The following RNF38 variants were observed in gnomAD, a reference collection of about 807,000 sequenced individuals.
RNF38 encodes E3 ubiquitin-protein ligase RNF38.
Under a neutral mutation model 67.2 loss-of-function variants are expected in RNF38, and 15 were observed. The observed-to-expected ratio is 0.22, with a 90% CI of 0.15 to 0.34. The LOEUF (loss-of-function observed/expected upper bound fraction) is 0.34. Among genes scored for constraint, RNF38 ranks in the 10% least tolerant of loss-of-function variants. The probability of loss-of-function intolerance (pLI) is 1.00; values close to 1 mark genes in which losing one functional copy is unlikely to be tolerated. For synonymous variants in RNF38, 220 were observed against 218.8 expected, an observed-to-expected ratio of 1.01 and a Z score of -0.05; for missense variants, 524 against 639.9, an observed-to-expected ratio of 0.82 and a Z score of 1.95.
intron 6 of RNF38, among the ~76,000 whole-genome samples, chr9:36,355,045 G>A (rs1833996117): frequency 6.6e-6 from 1 of 152,170 alleles, no homozygotes; most frequent in Non-Finnish European, 1.5e-5. Flanking sequence ...AGCTGAGAAG[G>A]AGAACATCCT....
rs567183971 is a variant in RNF38 at position 36,339,659 on chromosome 9, A to T, written c.*93T>A. ...GTCCATTGACCCTTTTGGTAAAGGG[A>T]GGGCTGGAAGCCACACAGATTAAGT... On this transcript the variant is annotated 3_prime_UTR_variant, in exon 12 of 12. Transcript: ENST00000259605. 3.1e-6 allele frequency: 3 copies of T among 966,022 alleles called. No homozygotes were observed. The African/African-American group carries it at 4.8e-5, about 16-fold the overall frequency. The allele number at this position is 966,022 out of a possible 1,614,324, so 59.8% of individuals were successfully genotyped here.
chr9:36,356,511 A>G, intron 5 of RNF38, 38 bp from the exon 6 acceptor site: 1 of 1,481,136 alleles, frequency 6.8e-7, no homozygotes, highest in Non-Finnish European at 9.1e-7. Flanking sequence ...TAAAAATATC[A>G]GAATATATGA....
chr9:36,388,771 T>A (rs1410906317), intron 2 of RNF38, among the ~76,000 whole-genome samples: 1 of 152,164 alleles, frequency 6.6e-6, no homozygotes, highest in Non-Finnish European at 1.5e-5. Context: ...TAAAACAGAT[T>A]ATTCTAAAAA....
intron 1 of RNF38, among the ~76,000 whole-genome samples, chr9:36,481,279 T>C (rs1349500564): frequency 2.0e-5 from 3 of 152,210 alleles, no homozygotes; most frequent in Non-Finnish European, 2.9e-5. Context: ...CCTCCCAAAG[T>C]GCTGGGATTA....
intron 2 of RNF38, among the ~76,000 whole-genome samples, chr9:36,381,152 T>C (rs1836184146): frequency 6.6e-6 from 1 of 152,230 alleles, no homozygotes; most frequent in African/African-American, 2.4e-5. Flanking sequence ...ATCCATGCTG[T>C]CTGTGAACCT....
At chr9:36,347,456 T>C (rs1001143142) in intron 9 of RNF38, among the ~76,000 whole-genome samples, 2 of 152,240 alleles carry the variant, frequency 1.3e-5, no homozygotes, top group African/African-American at 4.8e-5. Flanking sequence ...AGTCATTTCA[T>C]ATCCTGGTGT....
At chr9:36,435,427 T>C (rs1482423666) in intron 1 of RNF38, among the ~76,000 whole-genome samples, 1 of 152,120 alleles carries the variant, frequency 6.6e-6, no homozygotes, top group African/African-American at 2.4e-5. Flanking sequence ...ATTATTTGTA[T>C]TCCAAAACAA....
intron 2 of RNF38, among the ~76,000 whole-genome samples, chr9:36,409,909 C>G (rs982604627): frequency 6.6e-6 from 1 of 152,148 alleles, no homozygotes; most frequent in Non-Finnish European, 1.5e-5. Flanking sequence ...CAGTACAACT[C>G]TTTGTAGAGT....
At chr9:36,432,143 T>G (rs927783803) in intron 1 of RNF38, among the ~76,000 whole-genome samples, 1 of 98,786 alleles carries the variant, frequency 1.0e-5, no homozygotes, top group Non-Finnish European at 2.7e-5. Context: ...GTTTTTTTTG[T>G]TTTTTTTTTG....
chr9:36,381,673 T>G (rs992677307), intron 2 of RNF38, among the ~76,000 whole-genome samples: 1 of 152,188 alleles, frequency 6.6e-6, no homozygotes, highest in African/African-American at 2.4e-5. Context: ...AATTACAGAA[T>G]CTCATCTCTG....
At chr9:36,403,497 C>T (rs1327004097), upstream of RNF38, among the ~76,000 whole-genome samples, 1 of 152,154 alleles carries the variant, frequency 6.6e-6, no homozygotes, top group Non-Finnish European at 1.5e-5. Context: ...TTGGCAAGAG[C>T]TTTTTGAGAA....
At chr9:36,452,548 T>TC (rs967613668) in intron 1 of RNF38, among the ~76,000 whole-genome samples, 1 of 152,014 alleles carries the variant, frequency 6.6e-6, no homozygotes, top group Non-Finnish European at 1.5e-5. Context: ...TTTTTTTTTT[T>TC]CTTGAGATGG....
chr9:36,400,505 C>T, upstream of RNF38: 1 of 998,852 alleles, frequency 1.0e-6, no homozygotes, highest in Middle Eastern at 5.0e-4. Flanking sequence ...CAACGGCCCG[C>T]AGCCCGTCCC....
intron 1 of RNF38, among the ~76,000 whole-genome samples, chr9:36,394,733 C>T (rs1837393037): frequency 6.6e-6 from 1 of 152,286 alleles, no homozygotes; most frequent in Admixed American, 6.5e-5. Context: ...AAGGTTCATA[C>T]TCAACCCACA....
chr9:36,372,034 G>A (rs1001253636), intron 3 of RNF38, among the ~76,000 whole-genome samples: 5 of 151,410 alleles, frequency 3.3e-5, no homozygotes, highest in African/African-American at 7.3e-5. Context: ...GGGTTCAAGC[G>A]ATTCTCCTGC....
chr9:36,400,002 A>G, intron 1 of RNF38, 95 bp downstream of exon 1: 2 of 1,103,694 alleles, frequency 1.8e-6, no homozygotes, highest in Non-Finnish European at 2.7e-6. Flanking sequence ...CAATAATTAC[A>G]TGTGTGTGTT....
intron 1 of RNF38, among the ~76,000 whole-genome samples, chr9:36,486,518 C>G (rs1289702961): frequency 1.3e-5 from 2 of 152,168 alleles, no homozygotes; most frequent in Non-Finnish European, 2.9e-5. Flanking sequence ...GAAATTCGGG[C>G]CATTTACTGA....
intron 1 of RNF38, among the ~76,000 whole-genome samples, chr9:36,445,374 T>C (rs1839276992): frequency 6.6e-6 from 1 of 152,196 alleles, no homozygotes; most frequent in African/African-American, 2.4e-5. Context: ...ACATATGATT[T>C]CATGTTTTTC....
chr9:36,434,930 A>G (rs545698252), intron 1 of RNF38, among the ~76,000 whole-genome samples: 15 of 151,580 alleles, frequency 9.9e-5, no homozygotes, highest in African/African-American at 3.4e-4. Context: ...AGTAAAATCA[A>G]TTATTTTAAA....
Sources: allele counts gnomAD v4.1 joint callset (sites outside exome capture counted in the v4.1 genomes callset), GRCh38; gene constraint gnomAD v4.1.1; transcripts MANE v1.5; gene names NCBI Gene and HGNC (gene_info 2026-07-23, HGNC 2026-07-21).